The following GYG1 variants were observed in gnomAD, a reference collection of about 807,000 sequenced individuals.
GYG1 encodes glycogenin 1.
A neutral mutation model predicts 41.9 loss-of-function variants in GYG1; 44 were observed. That is an observed-to-expected ratio of 1.05 (90% CI 0.83 to 1.35). GYG1 has a LOEUF of 1.35. Among genes scored for constraint, GYG1 ranks in the 40% most tolerant of loss-of-function variants. GYG1 has a pLI of 0.00. For missense variants in GYG1, 429 were observed against 418.9 expected, an observed-to-expected ratio of 1.02 and a Z score of -0.21; for synonymous variants, 141 against 158.1, an observed-to-expected ratio of 0.89 and a Z score of 0.81.
At chr3:149,009,573 G>A (rs751218553) in intron 5 of GYG1, among the ~76,000 whole-genome samples, 171 bp downstream of exon 5, 2 of 152,122 alleles carry the variant, frequency 1.3e-5, no homozygotes, top group Admixed American at 6.5e-5. Context: ...TGATGTTATC[G>A]GTTGCCTCAT....
intron 4 of GYG1, among the ~76,000 whole-genome samples, chr3:149,005,359 T>C (rs971492525): frequency 3.3e-5 from 5 of 152,192 alleles, no homozygotes; most frequent in Non-Finnish European, 7.4e-5. Context: ...CCTAATGCAA[T>C]TACTATTATT....
In GYG1 at chr3:149,028,746, C is replaced by T. The variant is rs1317493746; in HGVS notation, c.*1813C>T. Among the ~76,000 whole-genome samples the T allele has an allele frequency of 1.4e-5, 2 of 138,190 alleles. No individual in the cohort carries two copies. Among genetic ancestry groups the T allele is most frequent in the African/African-American group, 5.5e-5 (2 of 36,114 alleles). The allele number at this position is 138,190 out of a possible 152,430, so 90.7% of individuals were successfully genotyped here. A position where few individuals can be genotyped will look rare whatever the true frequency, so the allele number is the denominator to read the frequency against. On this transcript the variant is annotated 3_prime_UTR_variant, in exon 8 of 8. Transcript: ENST00000345003. ...TTTTTTTTCTTGAGGCAGAGTCTTG[C>T]TCTGTCAGTCAGTCACCAGGCTGGA...
chr3:149,003,780 C>T (rs1257442914), intron 4 of GYG1, among the ~76,000 whole-genome samples: 3 of 152,120 alleles, frequency 2.0e-5, no homozygotes, highest in Non-Finnish European at 4.4e-5. Flanking sequence ...GGGGAACATT[C>T]CTTTGGCTGA....
At position 149,027,890 on chromosome 3, in the gene GYG1, G is replaced by C. The variant is rs115429280; in HGVS notation, c.*957G>C. ...CACACTGCACCTCTCTATTAAGTGG[G>C]TATTTAGCTATTTAGAATATTTTAA... On this transcript the variant is annotated 3_prime_UTR_variant, in exon 8 of 8. Transcript: ENST00000345003. 1.0e-2 allele frequency among the ~76,000 whole-genome samples: 1,516 copies of C among 152,258 alleles called. 26 individuals carry two copies. The highest frequency in any genetic ancestry group is 0.035 in the African/African-American group (1,433 of 41,524).
chr3:149,009,504 A>G (rs1713600055), intron 5 of GYG1, 102 bp downstream of exon 5: 1 of 1,149,282 alleles, frequency 8.7e-7, no homozygotes, highest in Non-Finnish European at 1.3e-6. Flanking sequence ...GAAATAACAG[A>G]TAGACACTTT....
chr3:148,998,980 C>T (rs561735266), intron 4 of GYG1, among the ~76,000 whole-genome samples: 5 of 152,090 alleles, frequency 3.3e-5, no homozygotes, highest in Admixed American at 6.5e-5. Context: ...CTGCCAACTG[C>T]CTGAAATCCA....
intron 5 of GYG1, among the ~76,000 whole-genome samples, chr3:149,016,120 G>T (rs1276578639): frequency 6.6e-6 from 1 of 152,018 alleles, no homozygotes; most frequent in Non-Finnish European, 1.5e-5. Context: ...AATTAGCTGG[G>T]TGTGGTGGCG....
chr3:149,009,408 T>C lies in GYG1; in HGVS notation c.608+6T>C, dbSNP rs1713593821. 1 of 1,613,638 alleles carries C rather than the reference T, an allele frequency of 6.2e-7. No individual in the cohort carries two copies. Among genetic ancestry groups the C allele is most frequent in the Non-Finnish European group, 8.5e-7 (1 of 1,179,554 alleles). On this transcript the variant is annotated splice_donor_region_variant and intron_variant, in intron 5 of 7. Coordinates refer to ENST00000345003, the MANE Select transcript of GYG1 (RefSeq NM_004130.4). ...TACCTCCCGGCATTTAAAGTGTAAGTGCAGATGGTTTAACTATTGTTGGAG... is the reference window on the plus strand; with the variant it reads ...TACCTCCCGGCATTTAAAGTGTAAGCGCAGATGGTTTAACTATTGTTGGAG...
chr3:149,008,627 C>T (rs1279054412), intron 4 of GYG1, among the ~76,000 whole-genome samples: 1 of 152,232 alleles, frequency 6.6e-6, no homozygotes, highest in African/African-American at 2.4e-5. Flanking sequence ...CATTCCTTCA[C>T]TGCATTCATC....
chr3:148,991,567 G>A lies in GYG1; in HGVS notation c.-74G>A. ...CCCGCCGTGCCTCCTCGCTGGCCGC[G>A]CTCCCTCCCGGTGCCGGCTTCTCTG... is the stretch of plus-strand genomic sequence containing the variant. On this transcript the variant is annotated 5_prime_UTR_variant, in exon 1 of 8. Transcript: ENST00000345003. 4 of 1,529,866 alleles carry A rather than the reference G, an allele frequency of 2.6e-6. No individual in the cohort carries two copies. The highest frequency in any genetic ancestry group is 3.5e-6 in the Non-Finnish European group (4 of 1,143,938). The allele number at this position is 1,529,866 out of a possible 1,614,324, so 94.8% of individuals were successfully genotyped here.
chr3:149,029,332 A>ATACT lies in GYG1; in HGVS notation c.*2402_*2405dup, dbSNP rs1053114022. On this transcript the variant is annotated 3_prime_UTR_variant, in exon 8 of 8. Coordinates refer to ENST00000345003, the MANE Select transcript of GYG1 (RefSeq NM_004130.4). ...TTATATTTGCAGAGGTGATCCATAT[A>ATACT]TACTTATCCCCTTGCAGTGGCTGGT... 6.6e-6 allele frequency among the ~76,000 whole-genome samples: 1 copy of ATACT among 152,068 alleles called. No individual in the cohort carries two copies. The highest frequency in any genetic ancestry group is 2.4e-5 in the African/African-American group (1 of 41,398).
At chr3:148,993,585 G>A (rs1389110649) in intron 1 of GYG1, among the ~76,000 whole-genome samples, 1 of 152,298 alleles carries the variant, frequency 6.6e-6, no homozygotes, top group East Asian at 1.9e-4. Flanking sequence ...CGAGGCTGCA[G>A]TGAGCTATGA....
Position 149,028,470 on chromosome 3 carries a change from G to C in GYG1, c.*1537G>C, listed in dbSNP as rs1474472452. ...TTTATTTAAGTGCCTCCATGTGTCA[G>C]ATGCTGTGGTACAAAGAAGGACTTC... On this transcript the variant is annotated 3_prime_UTR_variant, in exon 8 of 8. Transcript: ENST00000345003. Among the ~76,000 whole-genome samples, 1 of 152,188 alleles carries C rather than the reference G, an allele frequency of 6.6e-6. No individual in the cohort carries two copies. Among genetic ancestry groups the C allele is most frequent in the South Asian group, 2.1e-4 (1 of 4,832 alleles).
chr3:148,996,124 A>G (rs947269347), intron 2 of GYG1, among the ~76,000 whole-genome samples, 178 bp from the exon 3 acceptor site: 1 of 152,236 alleles, frequency 6.6e-6, no homozygotes, highest in Non-Finnish European at 1.5e-5. Flanking sequence ...TGGACATGCA[A>G]ATAAACACAG....
At chr3:148,999,834 A>G (rs560064456) in intron 4 of GYG1, among the ~76,000 whole-genome samples, 3 of 152,256 alleles carry the variant, frequency 2.0e-5, no homozygotes, top group South Asian at 4.1e-4. Context: ...TTTTCTCACA[A>G]CCATAGTTTC....
intron 2 of GYG1, among the ~76,000 whole-genome samples, chr3:148,996,084 A>G (rs1004478332): frequency 2.0e-5 from 3 of 152,246 alleles, no homozygotes; most frequent in Admixed American, 2.0e-4. Flanking sequence ...CCTCACCATA[A>G]GCAGTTCTTA....
At chr3:149,007,794 A>G (rs1713481098) in intron 4 of GYG1, among the ~76,000 whole-genome samples, 1 of 152,126 alleles carries the variant, frequency 6.6e-6, no homozygotes, top group Admixed American at 6.5e-5. Flanking sequence ...TGCCATCCCC[A>G]TACACACTCG....
At chr3:148,993,625 C>T (rs760550553) in intron 1 of GYG1, among the ~76,000 whole-genome samples, 1 of 152,042 alleles carries the variant, frequency 6.6e-6, no homozygotes, top group Non-Finnish European at 1.5e-5. Context: ...CCTGGGTGGC[C>T]GAGTGAGACC....
At chr3:148,994,315 C>T in intron 2 of GYG1, 38 bp downstream of exon 2, 3 of 1,607,640 alleles carry the variant, frequency 1.9e-6, no homozygotes, top group Non-Finnish European at 2.6e-6. Flanking sequence ...CCAAGGGGCT[C>T]TGACATCCTT....
Sources: allele counts gnomAD v4.1 joint callset (sites outside exome capture counted in the v4.1 genomes callset), GRCh38; gene constraint gnomAD v4.1.1; transcripts MANE v1.5; gene names NCBI Gene and HGNC (gene_info 2026-07-23, HGNC 2026-07-21).